The following SH3RF3 variants were observed in gnomAD, a reference collection of about 807,000 sequenced individuals.
SH3RF3 encodes the protein E3 ubiquitin-protein ligase SH3RF3.
A neutral mutation model predicts 66.3 loss-of-function variants in SH3RF3; 29 were observed. The observed-to-expected ratio is 0.44, with a 90% CI of 0.33 to 0.60. The LOEUF (loss-of-function observed/expected upper bound fraction) is 0.60. SH3RF3 is among the 20% of genes least tolerant of loss of function. The pLI, the probability that SH3RF3 is intolerant of heterozygous loss-of-function variation, is 0.04. For missense variants in SH3RF3, 1,194 were observed against 1,190.9 expected (o/e 1.00, Z -0.04); for synonymous variants, 583 against 532.0 (o/e 1.10, Z -1.32).
At chr2:109,271,933 C>T (rs944432490) in intron 1 of SH3RF3, among the ~76,000 whole-genome samples, 1 of 152,226 alleles carries the variant, frequency 6.6e-6, no homozygotes, top group Non-Finnish European at 1.5e-5. Flanking sequence ...GCCCTGGATC[C>T]TCCTTTGTGT....
chr2:109,300,183 G>T (rs920435270), intron 1 of SH3RF3, among the ~76,000 whole-genome samples: 6 of 152,038 alleles, frequency 3.9e-5, no homozygotes, highest in Non-Finnish European at 7.4e-5. Context: ...ATATGCTCTC[G>T]AGAGGGCATC....
At position 109,485,504 on chromosome 2, in the gene SH3RF3, T is replaced by C. The variant is rs572371538; in HGVS notation, c.2149-5101T>C. ...CTTTTGCCAAGTTTTTATACTAATG[T>C]TCTACTAAACAGTTAAGGCCCCTAG... is the stretch of plus-strand genomic sequence containing the variant. On this transcript the variant is annotated intron_variant, in intron 8 of 9. Coordinates refer to ENST00000309415, the MANE Select transcript of SH3RF3 (RefSeq NM_001099289.3). Among the ~76,000 whole-genome samples, 202 of 152,372 alleles carry C rather than the reference T, an allele frequency of 1.3e-3. 2 individuals carry two copies. Among genetic ancestry groups the C allele is most frequent in the South Asian group, 3.1e-3 (15 of 4,832 alleles).
intron 8 of SH3RF3, among the ~76,000 whole-genome samples, chr2:109,476,782 C>T (rs1573284216): frequency 6.6e-6 from 1 of 152,124 alleles, no homozygotes; most frequent in Non-Finnish European, 1.5e-5. Flanking sequence ...TGCTGGTTGC[C>T]CTTTTTTATG....
Position 109,298,303 on chromosome 2 carries a change from G to A in SH3RF3, c.574-49371G>A, listed in dbSNP as rs553077600. On this transcript the variant is annotated intron_variant, in intron 1 of 9. Coordinates refer to ENST00000309415, the MANE Select transcript of SH3RF3 (RefSeq NM_001099289.3). ...GAACTCCGTGGCTGGCTAGACAGGCGGGAAGGGAAGCGCATCTATGTCTGT... is the reference window on the plus strand; with the variant it reads ...GAACTCCGTGGCTGGCTAGACAGGCAGGAAGGGAAGCGCATCTATGTCTGT... 5.5e-3 allele frequency among the ~76,000 whole-genome samples: 730 copies of A among 133,156 alleles called. 4 individuals are homozygous for A. Among genetic ancestry groups the A allele is most frequent in the African/African-American group, 0.018 (705 of 38,458 alleles). 87.4% of individuals were successfully genotyped at this position (133,156 alleles called of 152,430 possible). A position where few individuals can be genotyped will look rare whatever the true frequency, so the allele number is the denominator to read the frequency against.
chr2:109,170,296 TCTCTTCTCTTCTCTTCTCTC>T (rs1677743324), intron 1 of SH3RF3, among the ~76,000 whole-genome samples: 7 of 110,878 alleles, frequency 6.3e-5, no homozygotes, highest in African/African-American at 1.7e-4. Context: ...TCTCTTCTCT[TCTCTTCTCTTCTCTTCTCTC>T]CTCTCTCTCT....
At chr2:109,296,013 T>C (rs1182527687) in intron 1 of SH3RF3, among the ~76,000 whole-genome samples, 2 of 152,050 alleles carry the variant, frequency 1.3e-5, no homozygotes, top group Admixed American at 6.5e-5. Context: ...CTGTGAAGGA[T>C]TGATGGGAGG....
intron 1 of SH3RF3, among the ~76,000 whole-genome samples, chr2:109,231,370 C>G (rs928095160): frequency 1.3e-5 from 2 of 152,226 alleles, no homozygotes; most frequent in Admixed American, 6.5e-5. Context: ...AAGGTTAATG[C>G]AGTTATCACC....
chr2:109,324,760 G>A (rs1454779152), intron 1 of SH3RF3, among the ~76,000 whole-genome samples: 1 of 152,182 alleles, frequency 6.6e-6, no homozygotes, highest in Non-Finnish European at 1.5e-5. Flanking sequence ...ACTTGAAGGA[G>A]AGCATGAATG....
At chr2:109,204,602 C>T (rs537965251) in intron 1 of SH3RF3, among the ~76,000 whole-genome samples, 7 of 152,288 alleles carry the variant, frequency 4.6e-5, no homozygotes, top group Non-Finnish European at 7.4e-5. Context: ...CTCCAGGTGC[C>T]GGCAGCGCCA....
At chr2:109,381,699 T>G (rs1334421123) in intron 3 of SH3RF3, among the ~76,000 whole-genome samples, 2 of 152,042 alleles carry the variant, frequency 1.3e-5, no homozygotes, top group Admixed American at 1.3e-4. Flanking sequence ...AAGGACAGCT[T>G]TACTGGTGAC....
chr2:109,431,007 A>G (rs539731735), intron 5 of SH3RF3, among the ~76,000 whole-genome samples: 6 of 152,202 alleles, frequency 3.9e-5, no homozygotes, highest in African/African-American at 9.6e-5. Flanking sequence ...AGGGGGGCAG[A>G]TTTCATATTA....
intron 7 of SH3RF3, among the ~76,000 whole-genome samples, chr2:109,440,212 A>C (rs528910237): frequency 6.6e-6 from 1 of 152,200 alleles, no homozygotes; most frequent in Non-Finnish European, 1.5e-5. Flanking sequence ...GCAGAGGCAT[A>C]CTGTCCTTTA....
intron 3 of SH3RF3, among the ~76,000 whole-genome samples, chr2:109,377,827 T>C (rs893346708): frequency 6.6e-6 from 1 of 152,150 alleles, no homozygotes; most frequent in Admixed American, 6.5e-5. Context: ...TCCTTGTCAC[T>C]TTATCTTTTA....
intron 1 of SH3RF3, among the ~76,000 whole-genome samples, chr2:109,166,710 G>A (rs1415672551): frequency 1.3e-5 from 2 of 152,200 alleles, no homozygotes; most frequent in Non-Finnish European, 2.9e-5. Context: ...AAGCAATTTG[G>A]AATGTCTTCT....
At chr2:109,169,945 C>G (rs889252448) in intron 1 of SH3RF3, among the ~76,000 whole-genome samples, 1 of 152,090 alleles carries the variant, frequency 6.6e-6, no homozygotes, top group Admixed American at 6.5e-5. Flanking sequence ...AGTTTTAAAT[C>G]TTTAAGAGAC....
chr2:109,273,965 G>A (rs532122126), intron 1 of SH3RF3, among the ~76,000 whole-genome samples: 5 of 152,284 alleles, frequency 3.3e-5, no homozygotes, highest in Non-Finnish European at 7.3e-5. Flanking sequence ...TATGGAAAAT[G>A]GAATACTAAT....
At position 109,343,905 on chromosome 2, in the gene SH3RF3, A is replaced by G. The variant is rs1413114520; in HGVS notation, c.574-3769A>G. On this transcript the variant is annotated intron_variant, in intron 1 of 9. Transcript: ENST00000309415. ...ACTACAGGTACTTGCCACCATGCCT[A>G]TTTTTAAAAAATATTATTTTTAGAG... Among the ~76,000 whole-genome samples the G allele has an allele frequency of 2.6e-5, 4 of 151,912 alleles. No homozygotes were observed. In the East Asian group the frequency reaches 7.7e-4, roughly 29 times the overall value.
chr2:109,298,127 G>A (rs969126969), intron 1 of SH3RF3, among the ~76,000 whole-genome samples: 2 of 152,184 alleles, frequency 1.3e-5, no homozygotes, highest in Non-Finnish European at 2.9e-5. Context: ...GGTGAATAGG[G>A]CATTGTGGCA....
At chr2:109,142,391 C>CA (rs1676978882) in intron 1 of SH3RF3, among the ~76,000 whole-genome samples, 1 of 152,226 alleles carries the variant, frequency 6.6e-6, no homozygotes, top group African/African-American at 2.4e-5. Context: ...CCCAAAGCAC[C>CA]CTGTGGGGTT....
Sources: allele counts gnomAD v4.1 joint callset (sites outside exome capture counted in the v4.1 genomes callset), GRCh38; gene constraint gnomAD v4.1.1; transcripts MANE v1.5; gene names NCBI Gene and HGNC (gene_info 2026-07-23, HGNC 2026-07-21).